Variants in AKAP6 observed in about 807,000 individuals in gnomAD.
AKAP6 encodes the protein A-kinase anchoring protein 6.
Under a neutral mutation model 188.5 loss-of-function variants are expected in AKAP6, and 58 were observed. The ratio of observed to expected loss-of-function variants is 0.31; its 90% CI spans 0.25 to 0.38. AKAP6 has a LOEUF of 0.38. Among genes scored for constraint, AKAP6 ranks in the 10% least tolerant of loss-of-function variants. The pLI, the probability that AKAP6 is intolerant of heterozygous loss-of-function variation, is 1.00. For synonymous variants in AKAP6, 989 were observed against 998.6 expected (o/e 0.99, Z 0.18); for missense variants, 2,710 against 2,740.0 (o/e 0.99, Z 0.24).
At chr14:32,336,925 A>C (rs928010755) in intron 1 of AKAP6, among the ~76,000 whole-genome samples, 2 of 152,208 alleles carry the variant, frequency 1.3e-5, no homozygotes, top group African/African-American at 4.8e-5. Flanking sequence ...TTAGCATAAA[A>C]GTAGCCCATG....
intron 4 of AKAP6, among the ~76,000 whole-genome samples, chr14:32,561,202 G>A (rs904451654): frequency 6.6e-6 from 1 of 152,094 alleles, no homozygotes; most frequent in African/African-American, 2.4e-5. Context: ...AAACTACAAA[G>A]AGCAAAGGGG....
intron 9 of AKAP6, among the ~76,000 whole-genome samples, chr14:32,717,127 G>C (rs1017874111): frequency 6.6e-6 from 1 of 151,808 alleles, no homozygotes; most frequent in Admixed American, 6.6e-5. Context: ...ACAGTTGCAG[G>C]ATTGATGGTG....
intron 2 of AKAP6, among the ~76,000 whole-genome samples, chr14:32,490,963 T>C (rs2138944283): frequency 6.6e-6 from 1 of 152,266 alleles, no homozygotes; most frequent in South Asian, 2.1e-4. Context: ...TGATGATAAT[T>C]TTATGTCGAT....
intron 12 of AKAP6, among the ~76,000 whole-genome samples, chr14:32,777,392 A>G (rs940611989): frequency 3.3e-5 from 5 of 152,232 alleles, no homozygotes; most frequent in African/African-American, 1.2e-4. Flanking sequence ...GTCACAGAGT[A>G]TAGAATTGGT....
chr14:32,734,789 A>G (rs533061186), intron 10 of AKAP6, among the ~76,000 whole-genome samples: 44 of 152,294 alleles, frequency 2.9e-4, no homozygotes, highest in African/African-American at 1.1e-3. Flanking sequence ...GATACTATTT[A>G]CAGAACACTA....
At chr14:32,786,298 CTTTTTTTTTTTTTTTT>C (rs1162974012) in intron 12 of AKAP6, among the ~76,000 whole-genome samples, 3 of 82,552 alleles carry the variant, frequency 3.6e-5, no homozygotes, top group African/African-American at 1.4e-4. Flanking sequence ...AAACCTTTAT[CTTTTTTTTTTTTTTTT>C]TTTTTTTTTT....
intron 9 of AKAP6, among the ~76,000 whole-genome samples, chr14:32,719,518 G>T (rs1297769865): frequency 6.6e-6 from 1 of 152,110 alleles, no homozygotes; most frequent in African/African-American, 2.4e-5. Context: ...CTTATCCTCA[G>T]AGAGAAAGCA....
intron 1 of AKAP6, among the ~76,000 whole-genome samples, chr14:32,330,264 G>A (rs556190334): frequency 2.0e-5 from 3 of 152,084 alleles, no homozygotes; most frequent in African/African-American, 7.2e-5. Flanking sequence ...CTCAGTGGTT[G>A]TAGGGATTAC....
At chr14:32,486,297 G>A (rs549441362) in intron 2 of AKAP6, among the ~76,000 whole-genome samples, 1 of 152,060 alleles carries the variant, frequency 6.6e-6, no homozygotes, top group East Asian at 1.9e-4. Flanking sequence ...TTGGCTATAT[G>A]GGCTCTTTTT....
chr14:32,624,268 A>G (rs1342085249), intron 7 of AKAP6, among the ~76,000 whole-genome samples: 1 of 152,200 alleles, frequency 6.6e-6, no homozygotes, highest in Non-Finnish European at 1.5e-5. Flanking sequence ...AATAGGACAG[A>G]GGAAAATGTG....
intron 1 of AKAP6, among the ~76,000 whole-genome samples, chr14:32,342,962 G>A (rs995070990): frequency 3.9e-5 from 6 of 152,120 alleles, no homozygotes; most frequent in African/African-American, 1.4e-4. Context: ...TTAACTCCAT[G>A]GCCTACAACC....
intron 1 of AKAP6, among the ~76,000 whole-genome samples, chr14:32,389,524 C>G (rs1263127034): frequency 6.6e-6 from 1 of 151,742 alleles, no homozygotes; most frequent in Non-Finnish European, 1.5e-5. Flanking sequence ...TTTGGCAGTT[C>G]TTGTAGTGGT....
chr14:32,692,167 T>C (rs1350978697), intron 8 of AKAP6, among the ~76,000 whole-genome samples: 3 of 152,146 alleles, frequency 2.0e-5, no homozygotes, highest in African/African-American at 7.2e-5. Flanking sequence ...AGTATCTGTA[T>C]TAGGTTCATT....
intron 1 of AKAP6, among the ~76,000 whole-genome samples, chr14:32,354,160 A>C (rs372148787): frequency 0.013 from 1,993 of 152,204 alleles, 30 homozygotes; most frequent in Middle Eastern, 0.037. Flanking sequence ...AGTCAATCCT[A>C]AGCCAAAAGA....
chr14:32,548,093 C>CTTT (rs71115082), intron 4 of AKAP6, among the ~76,000 whole-genome samples: 10 of 104,232 alleles, frequency 9.6e-5, no homozygotes, highest in South Asian at 3.1e-4. Flanking sequence ...CTCCCACATG[C>CTTT]TTTTTTTTTT....
intron 1 of AKAP6, among the ~76,000 whole-genome samples, chr14:32,428,936 C>T (rs1890127176): frequency 6.6e-6 from 1 of 152,144 alleles, no homozygotes; most frequent in Non-Finnish European, 1.5e-5. Flanking sequence ...ATTATTGCCT[C>T]TTCTTTGGAT....
intron 1 of AKAP6, among the ~76,000 whole-genome samples, chr14:32,394,298 C>T (rs1371462770): frequency 6.6e-6 from 1 of 152,082 alleles, no homozygotes; most frequent in Non-Finnish European, 1.5e-5. Context: ...GAGATATGTT[C>T]TCTGATTGCT....
intron 2 of AKAP6, among the ~76,000 whole-genome samples, chr14:32,467,478 A>G (rs1878528520): frequency 6.6e-6 from 1 of 152,140 alleles, no homozygotes; most frequent in Admixed American, 6.6e-5. Flanking sequence ...AATGACTACC[A>G]TTTATATAAA....
chr14:32,544,693 C>T (rs749057295), intron 3 of AKAP6, among the ~76,000 whole-genome samples: 8 of 152,126 alleles, frequency 5.3e-5, no homozygotes, highest in Admixed American at 2.0e-4. Flanking sequence ...TTTGCAAATT[C>T]AGTAGTTTAC....
Sources: allele counts gnomAD v4.1 joint callset (sites outside exome capture counted in the v4.1 genomes callset), GRCh38; gene constraint gnomAD v4.1.1; transcripts MANE v1.5; gene names NCBI Gene and HGNC (gene_info 2026-07-23, HGNC 2026-07-21).